BRAF: variants seen among roughly 807,000 people sequenced by gnomAD.
The protein encoded by BRAF is B-Raf proto-oncogene, serine/threonine kinase.
In BRAF, 16 loss-of-function variants were observed where a neutral mutation model predicts 104.6. The ratio of observed to expected loss-of-function variants is 0.15; its 90% CI spans 0.10 to 0.23. BRAF has a LOEUF of 0.23. Ranked by LOEUF, BRAF falls within the 10% of genes least tolerant of loss-of-function variation. The probability of loss-of-function intolerance (pLI) is 1.00; values close to 1 mark genes in which losing one functional copy is unlikely to be tolerated. For missense variants in BRAF, 541 were observed against 937.3 expected, an observed-to-expected ratio of 0.58 and a Z score of 5.52; for synonymous variants, 310 against 341.6, an observed-to-expected ratio of 0.91 and a Z score of 1.02.
intron 1 of BRAF, among the ~76,000 whole-genome samples, chr7:140,895,590 T>C (rs994362182): frequency 6.6e-6 from 1 of 152,178 alleles, no homozygotes; most frequent in Non-Finnish European, 1.5e-5. Context: ...CTACCCCTAC[T>C]ATTCCCAGCC....
chr7:140,814,821 T>TTATATATAACATATATAAG (rs1562973272), intron 3 of BRAF, among the ~76,000 whole-genome samples: 1 of 127,512 alleles, frequency 7.8e-6, no homozygotes, highest in African/African-American at 4.3e-5. Context: ...ACATATATAA[T>TTATATATAACATATATAAG]TTATATATAT....
chr7:140,883,418 G>C (rs1244135487), intron 1 of BRAF, among the ~76,000 whole-genome samples: 1 of 152,070 alleles, frequency 6.6e-6, no homozygotes, highest in African/African-American at 2.4e-5. Flanking sequence ...CTTTTTCAAG[G>C]CTTCTAAAAA....
At chr7:140,895,945 G>A (rs921812302) in intron 1 of BRAF, among the ~76,000 whole-genome samples, 16 of 152,066 alleles carry the variant, frequency 1.1e-4, no homozygotes, top group African/African-American at 2.4e-5. Flanking sequence ...GGCCAGTAGT[G>A]GGATTGCTAG....
chr7:140,776,809 A>G, intron 14 of BRAF, 103 bp downstream of exon 13: 2 of 1,122,084 alleles, frequency 1.8e-6, no homozygotes, highest in Non-Finnish European at 2.7e-6. Flanking sequence ...GTTCCTGGAC[A>G]GTAATTTAAA....
chr7:140,881,768 T>C (rs1812947473), intron 1 of BRAF, among the ~76,000 whole-genome samples: 1 of 152,202 alleles, frequency 6.6e-6, no homozygotes, highest in South Asian at 2.1e-4. Context: ...TTAATTGGCC[T>C]AACTTCAATA....
At chr7:140,858,677 C>T (rs1346508397) in intron 1 of BRAF, among the ~76,000 whole-genome samples, 1 of 152,100 alleles carries the variant, frequency 6.6e-6, no homozygotes, top group Non-Finnish European at 1.5e-5. Context: ...GAACACATAT[C>T]AGATGTAAGA....
intron 6 of BRAF, 22 bp downstream of exon 6, chr7:140,801,390 G>C (rs368706627): frequency 3.7e-6 from 6 of 1,612,460 alleles, no homozygotes; most frequent in Non-Finnish European, 5.1e-6. Flanking sequence ...AGGTAGAAAA[G>C]AGATATTTTT....
intron 1 of BRAF, among the ~76,000 whole-genome samples, chr7:140,913,095 A>C (rs967259357): frequency 1.3e-5 from 2 of 152,032 alleles, no homozygotes. Flanking sequence ...CCCCCTTCTC[A>C]AGTGAGGCCT....
intron 1 of BRAF, among the ~76,000 whole-genome samples, chr7:140,888,511 C>T (rs1266686635): frequency 6.6e-6 from 1 of 152,152 alleles, no homozygotes; most frequent in Non-Finnish European, 1.5e-5. Flanking sequence ...TACTCTACTA[C>T]AAGCTGCTTG....
At chr7:140,847,813 G>C (rs1808738639) in intron 2 of BRAF, among the ~76,000 whole-genome samples, 1 of 151,988 alleles carries the variant, frequency 6.6e-6, no homozygotes, top group African/African-American at 2.4e-5. Flanking sequence ...GCCAGAGTTG[G>C]GATTCAAACA....
At position 140,808,038 on chromosome 7, in the gene BRAF, G is replaced by A. The variant is rs1485223094; in HGVS notation, c.633C>T (p.Asp211=). Reference sequence around the variant, plus strand: ...CTCCAGTAAGCCAGGAAATATCAGTGTCCCAACCAATTGGTTTCTTCTCTC... The same window carrying A: ...CTCCAGTAAGCCAGGAAATATCAGTATCCCAACCAATTGGTTTCTTCTCTC... ...QDGEKKPIGW[D]TDISWLTGEE... is the part of the protein sequence containing the mutation. Residue 211 remains aspartate (D), a synonymous_variant, in exon 5 of 20, where the codon GAC becomes GAT. Coordinates refer to ENST00000644969, the MANE Select transcript of BRAF (RefSeq NM_001374258.1). The A allele has an allele frequency of 1.9e-6, 3 of 1,613,048 alleles. No homozygotes were observed. The highest frequency in any genetic ancestry group is 1.7e-5 in the Admixed American group (1 of 59,974).
Position 140,722,103 on chromosome 7 carries a change from C to A in BRAF, c.*4391G>T. 9.3e-7 allele frequency: 1 copy of A among 1,077,526 alleles called. No homozygotes were observed. The highest frequency in any genetic ancestry group is 1.1e-6 in the Non-Finnish European group (1 of 888,078). 66.7% of individuals were successfully genotyped at this position (1,077,526 alleles called of 1,614,324 possible). On this transcript the variant is annotated 3_prime_UTR_variant, in exon 20 of 20. Coordinates refer to ENST00000644969, the MANE Select transcript of BRAF (RefSeq NM_001374258.1). ...ATTTCTGTTGTATAAAAGTTCCATG[C>A]TTTGAAGAGCCTATGGGAGTAGAAA...
chr7:140,872,170 G>A (rs1451103823), intron 1 of BRAF, among the ~76,000 whole-genome samples: 7 of 151,964 alleles, frequency 4.6e-5, no homozygotes, highest in African/African-American at 1.4e-4. Context: ...AGCCGAGATC[G>A]CACCATTGCA....
intron 2 of BRAF, among the ~76,000 whole-genome samples, chr7:140,845,279 T>C (rs1361462097): frequency 1.3e-5 from 2 of 152,080 alleles, no homozygotes; most frequent in African/African-American, 4.8e-5. Context: ...GCAAGAGCAT[T>C]TGGGAGAAGA....
intron 1 of BRAF, among the ~76,000 whole-genome samples, chr7:140,914,874 C>T (rs1413338336): frequency 6.8e-6 from 1 of 146,770 alleles, no homozygotes; most frequent in Admixed American, 7.2e-5. Flanking sequence ...CCCATCTCTA[C>T]CAAAAATACA....
intron 8 of BRAF, among the ~76,000 whole-genome samples, chr7:140,793,483 A>ATCC (rs1485711822): frequency 3.3e-5 from 5 of 152,026 alleles, no homozygotes; most frequent in African/African-American, 1.2e-4. Flanking sequence ...TTTACCTAAA[A>ATCC]TTACAAAATT....
chr7:140,789,630 T>A (rs948650003), intron 8 of BRAF, among the ~76,000 whole-genome samples: 1 of 152,204 alleles, frequency 6.6e-6, no homozygotes, highest in African/African-American at 2.4e-5. Context: ...GATGCACACA[T>A]TGGAAGTAAG....
At chr7:140,853,351 AAC>A (rs1294954879) in intron 1 of BRAF, among the ~76,000 whole-genome samples, 13 of 152,144 alleles carry the variant, frequency 8.5e-5, no homozygotes, top group African/African-American at 2.4e-4. Flanking sequence ...CAACCTAGGC[AAC>A]AGAGTGAACC....
intron 14 of BRAF, among the ~76,000 whole-genome samples, chr7:140,760,221 T>C (rs1798561704): frequency 6.6e-6 from 1 of 152,120 alleles, no homozygotes; most frequent in Non-Finnish European, 1.5e-5. Context: ...CAGACCAGCC[T>C]GGCCAACATA....
Sources: allele counts gnomAD v4.1 joint callset (sites outside exome capture counted in the v4.1 genomes callset), GRCh38; gene constraint gnomAD v4.1.1; transcripts MANE v1.5; gene names NCBI Gene and HGNC (gene_info 2026-07-23, HGNC 2026-07-21).